The following LZTFL1 variants were observed in gnomAD, a reference collection of about 807,000 sequenced individuals.
LZTFL1 encodes the protein leucine zipper transcription factor-like protein 1.
A neutral mutation model predicts 45.9 loss-of-function variants in LZTFL1; 25 were observed. The observed-to-expected ratio is 0.54, with a 90% CI of 0.40 to 0.76. The LOEUF is 0.76. Ranked by LOEUF, LZTFL1 falls within the 30% of genes least tolerant of loss-of-function variation. The probability of loss-of-function intolerance (pLI) is 0.00; values close to 1 mark genes in which losing one functional copy is unlikely to be tolerated. For synonymous variants in LZTFL1, 93 were observed against 117.4 expected (o/e 0.79, Z 1.35); for missense variants, 277 against 331.1 (o/e 0.84, Z 1.27).
chr3:45,909,470 C>T (rs1702748325), intron 2 of LZTFL1, among the ~76,000 whole-genome samples: 5 of 152,202 alleles, frequency 3.3e-5, no homozygotes, highest in Admixed American at 3.3e-4. Context: ...TTTGTTTCAT[C>T]TGCTCCCTTC....
chr3:45,849,360 A>G (rs1003893323), intron 4 of LZTFL1, among the ~76,000 whole-genome samples: 2 of 152,252 alleles, frequency 1.3e-5, no homozygotes, highest in African/African-American at 4.8e-5. Context: ...TGGACTCCTT[A>G]CAAACGCTAA....
upstream of LZTFL1, among the ~76,000 whole-genome samples, chr3:45,845,138 C>T (rs899220926): frequency 2.6e-5 from 4 of 152,170 alleles, no homozygotes; most frequent in African/African-American, 9.7e-5. Context: ...TCTTTCCATA[C>T]TCCCTTATGC....
intron 2 of LZTFL1, 147 bp from the exon 3 acceptor site, chr3:45,835,931 A>G (rs997374974): frequency 3.1e-5 from 17 of 545,328 alleles, no homozygotes; most frequent in Non-Finnish European, 5.1e-5. Context: ...TTCTTTATTA[A>G]TAAACATTGA....
chr3:45,899,861 C>T (rs1413713337), intron 2 of LZTFL1, among the ~76,000 whole-genome samples: 3 of 152,112 alleles, frequency 2.0e-5, no homozygotes, highest in Non-Finnish European at 4.4e-5. Context: ...TTCCTGTTTC[C>T]GTAGCAGGGG....
chr3:45,852,639 C>T (rs1701326181), intron 4 of LZTFL1, among the ~76,000 whole-genome samples: 1 of 152,164 alleles, frequency 6.6e-6, no homozygotes, highest in South Asian at 2.1e-4. Flanking sequence ...CAATAAATTC[C>T]TCACATCAAA....
At position 45,882,048 on chromosome 3, in the gene LZTFL1, C is replaced by T. The variant is rs138823186; in HGVS notation, c.-214-23032G>A. On this transcript the variant is annotated intron_variant, in intron 2 of 4. Coordinates refer to the LZTFL1 transcript ENST00000472635. ...TAGCTATATGTGGCCACACACTGGA[C>T]AGATAGCTATAGAATATTTCCACAT... is the stretch of plus-strand genomic sequence containing the variant. Among the ~76,000 whole-genome samples the T allele has an allele frequency of 8.0e-3, 1,221 of 152,322 alleles. 7 individuals are homozygous for T. Among genetic ancestry groups the T allele is most frequent in the Non-Finnish European group, 0.012 (807 of 68,038 alleles).
intron 3 of LZTFL1, chr3:45,835,312 A>G: frequency 2.8e-6 from 1 of 363,088 alleles, no homozygotes; most frequent in Non-Finnish European, 5.0e-6. Flanking sequence ...GACCAAGCTA[A>G]CAAAAATGCT....
At chr3:45,891,007 T>C (rs1464273457) in intron 2 of LZTFL1, among the ~76,000 whole-genome samples, 6 of 152,228 alleles carry the variant, frequency 3.9e-5, no homozygotes, top group Non-Finnish European at 8.8e-5. Flanking sequence ...AAAGTGGTTA[T>C]TTTAGGGTAG....
chr3:45,890,352 T>TATATATAAATATATATATATATAAC (rs1702137974), intron 2 of LZTFL1, among the ~76,000 whole-genome samples: 1 of 16,192 alleles, frequency 6.2e-5, no homozygotes, highest in South Asian at 1.1e-3. Flanking sequence ...ATATATAACA[T>TATATATAAATATATATATATATAAC]ATATATATAT....
intron 1 of LZTFL1, among the ~76,000 whole-genome samples, 186 bp from the exon 2 acceptor site, chr3:45,838,237 C>T (rs1701015409): frequency 6.6e-6 from 1 of 152,110 alleles, no homozygotes; most frequent in African/African-American, 2.4e-5. Context: ...GCAATCAAGT[C>T]ACTGCTGACT....
chr3:45,897,746 C>G lies in LZTFL1; in HGVS notation c.-215+15374G>C, dbSNP rs73830609. ...TCCTTCTGCCAAGCATGCCCTCTTT[C>G]CTCCCTTGCCTTCTTCTTTCTTCCT... On this transcript the variant is annotated intron_variant, in intron 2 of 4. Transcript: ENST00000472635. 2.7e-3 allele frequency: 1,729 copies of G among 637,422 alleles called. 9 individuals carry two copies. Among genetic ancestry groups the G allele is most frequent in the Middle Eastern group, 0.013 (52 of 3,974 alleles). 39.5% of individuals were successfully genotyped at this position (637,422 alleles called of 1,614,324 possible). A position where few individuals can be genotyped will look rare whatever the true frequency, so the allele number is the denominator to read the frequency against.
chr3:45,834,072 A>AT (rs1361434201), intron 4 of LZTFL1, among the ~76,000 whole-genome samples, 166 bp downstream of exon 4: 1 of 152,112 alleles, frequency 6.6e-6, no homozygotes, highest in East Asian at 1.9e-4. Flanking sequence ...CTTCCAAAAC[A>AT]TTTTTTCTTT....
At chr3:45,853,505 A>G (rs1002414874) in intron 4 of LZTFL1, among the ~76,000 whole-genome samples, 1 of 152,156 alleles carries the variant, frequency 6.6e-6, no homozygotes, top group Non-Finnish European at 1.5e-5. Flanking sequence ...TGGGGCTACA[A>G]AAAGATTCTA....
chr3:45,915,341 C>A, intron 1 of LZTFL1: 1 of 346,250 alleles, frequency 2.9e-6, no homozygotes, highest in South Asian at 2.2e-5. Flanking sequence ...ATCCCCGCAC[C>A]GCCCACCTCC....
intron 7 of LZTFL1, among the ~76,000 whole-genome samples, chr3:45,829,734 T>C (rs1251641909): frequency 6.6e-6 from 1 of 152,208 alleles, no homozygotes; most frequent in East Asian, 1.9e-4. Flanking sequence ...ATTCACTGGT[T>C]GTTCTTGTGT....
At position 45,825,948 on chromosome 3, in the gene LZTFL1, A is replaced by G. The variant is rs35624553; in HGVS notation, c.*366T>C. ...ATTTATTTTTACCCATGGGGAATGC[A>G]TAAGTACAAACATTGTTAGCTTATT... On this transcript the variant is annotated 3_prime_UTR_variant, in exon 10 of 10. Transcript: ENST00000296135. 12,713 of 199,990 alleles carry G rather than the reference A, an allele frequency of 0.064. 657 individuals carry two copies. Among genetic ancestry groups the G allele is most frequent in the South Asian group, 0.27 (1,417 of 5,268 alleles). 12.4% of individuals were successfully genotyped at this position (199,990 alleles called of 1,614,324 possible). A position where few individuals can be genotyped will look rare whatever the true frequency, so the allele number is the denominator to read the frequency against.
At chr3:45,893,136 C>T (rs1575297136) in intron 2 of LZTFL1, among the ~76,000 whole-genome samples, 2 of 151,852 alleles carry the variant, frequency 1.3e-5, no homozygotes, top group South Asian at 4.2e-4. Flanking sequence ...TCCCACACTC[C>T]CCTTCCCTCT....
chr3:45,861,628 ATG>A (rs1200628832), intron 2 of LZTFL1, among the ~76,000 whole-genome samples: 2 of 152,098 alleles, frequency 1.3e-5, no homozygotes, highest in African/African-American at 2.4e-5. Context: ...CTCTCTGTGC[ATG>A]TGTGTGTGTG....
At chr3:45,897,904 T>C (rs1702409534) in intron 2 of LZTFL1, among the ~76,000 whole-genome samples, 1 of 147,272 alleles carries the variant, frequency 6.8e-6, no homozygotes, top group African/African-American at 2.5e-5. Flanking sequence ...CCCTCATCTG[T>C]GAGGCTGCTT....
Sources: allele counts gnomAD v4.1 joint callset (sites outside exome capture counted in the v4.1 genomes callset), GRCh38; gene constraint gnomAD v4.1.1; transcripts MANE v1.5; gene names NCBI Gene and HGNC (gene_info 2026-07-23, HGNC 2026-07-21).